The following DPP6 variants were observed in gnomAD, a reference collection of about 807,000 sequenced individuals.
DPP6 encodes A-type potassium channel modulatory protein DPP6.
A neutral mutation model predicts 122.6 loss-of-function variants in DPP6; 69 were observed. That is an observed-to-expected ratio of 0.56 (90% CI 0.46 to 0.69). The LOEUF is 0.69. Ranked by LOEUF, DPP6 falls within the 30% of genes least tolerant of loss-of-function variation. The pLI is 0.00. For synonymous variants in DPP6, 418 were observed against 433.1 expected (o/e 0.97, Z 0.43); for missense variants, 928 against 1,116.9 (o/e 0.83, Z 2.41).
intron 16 of DPP6, among the ~76,000 whole-genome samples, chr7:154,815,569 A>T (rs1799373545): frequency 6.6e-6 from 1 of 152,218 alleles, no homozygotes; most frequent in Admixed American, 6.5e-5. Context: ...GTTTCTAAGA[A>T]ATGTCCAAAT....
At position 154,095,979 on chromosome 7, in the gene DPP6, G is replaced by C. The variant is rs1180243436; in HGVS notation, c.243+42916G>C. ...GAGAGCTAAGTTCCAGGCGAGACCAGGGAGTCGAGGGGACTGGATTTCTGC... is the reference window on the plus strand; with the variant it reads ...GAGAGCTAAGTTCCAGGCGAGACCACGGAGTCGAGGGGACTGGATTTCTGC... On this transcript the variant is annotated intron_variant, in intron 1 of 25. Transcript: ENST00000377770. The C allele has an allele frequency of 4.7e-4, 60 of 127,846 alleles. 1 individual carries two copies. Among genetic ancestry groups the C allele is most frequent in the Admixed American group, 9.1e-4 (11 of 12,050 alleles). 7.9% of individuals were successfully genotyped at this position (127,846 alleles called of 1,614,324 possible).
At chr7:154,089,003 C>T (rs182754754) in intron 1 of DPP6, among the ~76,000 whole-genome samples, 431 of 152,146 alleles carry the variant, frequency 2.8e-3, no homozygotes, top group Non-Finnish European at 4.5e-3. Context: ...GCTCAGAGCA[C>T]GTCCAGCCCA....
intron 1 of DPP6, among the ~76,000 whole-genome samples, chr7:154,128,116 G>A (rs1563226723): frequency 6.6e-6 from 1 of 150,498 alleles, no homozygotes; most frequent in Non-Finnish European, 1.5e-5. Flanking sequence ...AGGCACAGCT[G>A]GCCTCTCTGC....
intron 1 of DPP6, among the ~76,000 whole-genome samples, chr7:154,091,640 AG>A (rs5888560): frequency 0.33 from 50,073 of 150,850 alleles, 9,527 homozygotes; most frequent in East Asian, 0.49. Context: ...CTGACAGGCA[AG>A]GGTCCCTAAG....
At chr7:153,953,486 T>A (rs1327427291) in intron 1 of DPP6, among the ~76,000 whole-genome samples, 1 of 152,158 alleles carries the variant, frequency 6.6e-6, no homozygotes, top group Non-Finnish European at 1.5e-5. Flanking sequence ...ATGCACAGAT[T>A]GCTGTGGTTC....
intron 1 of DPP6, among the ~76,000 whole-genome samples, chr7:154,316,449 T>A (rs1807437633): frequency 6.6e-6 from 1 of 152,246 alleles, no homozygotes; most frequent in Non-Finnish European, 1.5e-5. Context: ...TTTTTTGTTG[T>A]TGAAACAGAA....
At chr7:154,285,697 C>T (rs1347132697) in intron 1 of DPP6, among the ~76,000 whole-genome samples, 4 of 152,144 alleles carry the variant, frequency 2.6e-5, no homozygotes, top group Admixed American at 6.5e-5. Flanking sequence ...TTTTGAGAAG[C>T]GTGAAAGCTT....
At chr7:154,181,328 A>G (rs1264319572) in intron 1 of DPP6, among the ~76,000 whole-genome samples, 1 of 152,168 alleles carries the variant, frequency 6.6e-6, no homozygotes, top group Admixed American at 6.5e-5. Context: ...AGTGGTGACA[A>G]GGCATCATGG....
chr7:153,804,076 G>C, the DPP6 span, among the ~76,000 whole-genome samples: 2 of 149,072 alleles, frequency 1.3e-5, no homozygotes, highest in South Asian at 4.3e-4. Context: ...TTGAGACTGA[G>C]TCTTACTCTG....
chr7:153,766,838 C>T, the DPP6 span, among the ~76,000 whole-genome samples: 7 of 152,026 alleles, frequency 4.6e-5, no homozygotes, highest in Non-Finnish European at 2.9e-5. Context: ...AATATATTTC[C>T]TGGCTCACAC....
intron 1 of DPP6, among the ~76,000 whole-genome samples, chr7:154,406,808 G>A (rs757958203): frequency 2.0e-5 from 3 of 152,102 alleles, no homozygotes; most frequent in African/African-American, 4.8e-5. Context: ...TTAGCTCATG[G>A]TGATCAAATA....
intron 17 of DPP6, among the ~76,000 whole-genome samples, chr7:154,862,498 A>G (rs1803492396): frequency 6.6e-6 from 1 of 152,238 alleles, no homozygotes; most frequent in Non-Finnish European, 1.5e-5. Context: ...GCATTTGGCT[A>G]ACACAGAGTG....
At chr7:154,182,365 C>G (rs1798134206) in intron 1 of DPP6, among the ~76,000 whole-genome samples, 1 of 152,124 alleles carries the variant, frequency 6.6e-6, no homozygotes, top group African/African-American at 2.4e-5. Context: ...CATTGCTGAC[C>G]TACCAGGGGG....
intron 16 of DPP6, among the ~76,000 whole-genome samples, chr7:154,848,296 A>C (rs190483882): frequency 7.9e-5 from 12 of 152,128 alleles, no homozygotes; most frequent in Middle Eastern, 3.4e-3. Context: ...CCCAGAGCAT[A>C]TAAAGGTTTC....
chr7:154,305,957 G>A (rs948730806), intron 1 of DPP6, among the ~76,000 whole-genome samples: 5 of 152,168 alleles, frequency 3.3e-5, no homozygotes, highest in African/African-American at 1.2e-4. Flanking sequence ...GAGGGTTGTA[G>A]CCAGAAACAT....
chr7:154,239,923 C>T (rs1307420553), intron 1 of DPP6, among the ~76,000 whole-genome samples: 1 of 140,182 alleles, frequency 7.1e-6, no homozygotes, highest in Admixed American at 7.6e-5. Context: ...ACCCAGGAGG[C>T]GGAGGTTGCA....
At chr7:154,625,292 GCAT>G (rs1834994115) in intron 5 of DPP6, among the ~76,000 whole-genome samples, 1 of 152,016 alleles carries the variant, frequency 6.6e-6, no homozygotes. Context: ...CAGCTATGTG[GCAT>G]CATGCAGATA....
At chr7:153,871,195 TAA>T in the DPP6 span, among the ~76,000 whole-genome samples, 1 of 152,230 alleles carries the variant, frequency 6.6e-6, no homozygotes, top group Non-Finnish European at 1.5e-5. Flanking sequence ...CAGCGACATT[TAA>T]GTCTGCAGAG....
rs186891472 is a variant in DPP6, at chr7:154,125,433, C to A, written c.243+72370C>A. ...AAAAAGTAGTCGCATTAGAGAAGAG[C>A]AAAGCTAAGAAACATAATGAAATGA... On this transcript the variant is annotated intron_variant, in intron 1 of 25. Transcript: ENST00000377770. 2.1e-4 allele frequency among the ~76,000 whole-genome samples: 32 copies of A among 152,198 alleles called. No individual in the cohort carries two copies. In the East Asian group the frequency reaches 6.0e-3, roughly 28 times the overall value.
Sources: allele counts gnomAD v4.1 joint callset (sites outside exome capture counted in the v4.1 genomes callset), GRCh38; gene constraint gnomAD v4.1.1; transcripts MANE v1.5; gene names NCBI Gene and HGNC (gene_info 2026-07-23, HGNC 2026-07-21).